The following KCNJ15 variants were observed in gnomAD, a reference collection of about 807,000 sequenced individuals.
The protein encoded by KCNJ15 is ATP-sensitive inward rectifier potassium channel 15.
In KCNJ15, 14 loss-of-function variants were observed where a neutral mutation model predicts 23.0. That is an observed-to-expected ratio of 0.61 (90% CI 0.40 to 0.95). KCNJ15 has a LOEUF of 0.95. KCNJ15 is among the 40% of genes least tolerant of loss of function. The pLI, the probability that KCNJ15 is intolerant of heterozygous loss-of-function variation, is 0.00. For missense variants in KCNJ15, 388 were observed against 461.8 expected (o/e 0.84, Z 1.46); for synonymous variants, 185 against 183.2 (o/e 1.01, Z -0.08).
upstream of KCNJ15, among the ~76,000 whole-genome samples, chr21:38,256,360 T>TTATATATA (rs56679003): frequency 0.023 from 2,488 of 106,168 alleles, 76 homozygotes; most frequent in South Asian, 0.039. Flanking sequence ...TCTATTCAGC[T>TTATATATA]TATATATATA....
rs561952349 is a variant in KCNJ15 at position 38,236,134 on chromosome 21, C to A, written c.-398-20912C>A. ...CAGGAGGCTCTGCATCCCAACCCCT[C>A]TGTTTTCTGTCTTACCTGCCAGGTC... On this transcript the variant is annotated intron_variant, in intron 1 of 4. Coordinates refer to the KCNJ15 transcript ENST00000547341. Among the ~76,000 whole-genome samples the A allele has an allele frequency of 4.6e-5, 7 of 152,338 alleles. No homozygotes were observed. In the South Asian group the frequency reaches 1.4e-3, roughly 32 times the overall value.
chr21:38,281,349 G>A (rs1329442582), intron 1 of KCNJ15, among the ~76,000 whole-genome samples: 1 of 152,088 alleles, frequency 6.6e-6, no homozygotes, highest in Non-Finnish European at 1.5e-5. Flanking sequence ...ATTGCATGAT[G>A]CCGAGGTTTG....
At chr21:38,251,248 C>G (rs560287682) in intron 1 of KCNJ15, among the ~76,000 whole-genome samples, 1 of 152,286 alleles carries the variant, frequency 6.6e-6, no homozygotes, top group South Asian at 2.1e-4. Context: ...GGAATTGCCA[C>G]AAAATAGTTC....
chr21:38,284,583 T>C (rs2836285), intron 1 of KCNJ15, among the ~76,000 whole-genome samples: 34,583 of 152,180 alleles, frequency 0.23, 4,184 homozygotes, highest in East Asian at 0.35. Context: ...TTCCAATACA[T>C]TCCCTATGCT....
At position 38,297,028 on chromosome 21, in the gene KCNJ15, T is replaced by C. The variant is rs1041919841; in HGVS notation, c.-19+5T>C. ...ACCTGCGGAGTGAGTGACCAGGTAG[T>C]AGACGGTTCTGAGGGCATCACACAC... On this transcript the variant is annotated splice_donor_5th_base_variant and intron_variant, in intron 2 of 2. Coordinates refer to ENST00000398938, the MANE Select transcript of KCNJ15 (RefSeq NM_170736.3). 2 of 152,584 alleles carry C rather than the reference T, an allele frequency of 1.3e-5. No homozygotes were observed. Among genetic ancestry groups the C allele is most frequent in the African/African-American group, 4.8e-5 (2 of 41,382 alleles). 9.5% of individuals were successfully genotyped at this position (152,584 alleles called of 1,614,324 possible). A position where few individuals can be genotyped will look rare whatever the true frequency, so the allele number is the denominator to read the frequency against.
intron 1 of KCNJ15, among the ~76,000 whole-genome samples, chr21:38,276,509 T>C (rs1037604472): frequency 2.0e-5 from 3 of 152,090 alleles, no homozygotes; most frequent in Non-Finnish European, 4.4e-5. Flanking sequence ...CTGGGTCCTG[T>C]ACTCATTAAC....
intron 1 of KCNJ15, among the ~76,000 whole-genome samples, chr21:38,283,025 C>A (rs888459282): frequency 2.6e-5 from 4 of 152,144 alleles, no homozygotes; most frequent in Non-Finnish European, 4.4e-5. Flanking sequence ...GGCAGGATAT[C>A]TGCTTTATCA....
In KCNJ15 at chr21:38,292,719, G is replaced by C. The variant is rs752412999; in HGVS notation, c.-116-4207G>C. Among the ~76,000 whole-genome samples, 6 of 152,018 alleles carry C rather than the reference G, an allele frequency of 3.9e-5. No homozygotes were observed. The South Asian group carries it at 6.2e-4, about 16-fold the overall frequency. ...TGCAGTGGCTCTCAACTGTAATCCCGGCACTTTGGGAGGCTGAGGTGAGCA... is the reference window on the plus strand; with the variant it reads ...TGCAGTGGCTCTCAACTGTAATCCCCGCACTTTGGGAGGCTGAGGTGAGCA... On this transcript the variant is annotated intron_variant, in intron 1 of 2. Coordinates refer to ENST00000398938, the MANE Select transcript of KCNJ15 (RefSeq NM_170736.3).
intron 1 of KCNJ15, among the ~76,000 whole-genome samples, chr21:38,280,197 T>A (rs950854844): frequency 4.0e-5 from 6 of 151,872 alleles, no homozygotes; most frequent in Admixed American, 6.6e-5. Context: ...TCACTTAGGA[T>A]GAACACCAGT....
At chr21:38,265,812 A>G (rs911104041) in intron 1 of KCNJ15, among the ~76,000 whole-genome samples, 6 of 152,220 alleles carry the variant, frequency 3.9e-5, no homozygotes, top group African/African-American at 1.2e-4. Flanking sequence ...TGACATTGAC[A>G]TGAGAGGCCC....
intron 1 of KCNJ15, among the ~76,000 whole-genome samples, chr21:38,257,747 C>T (rs924351231): frequency 2.6e-5 from 4 of 152,184 alleles, no homozygotes; most frequent in Non-Finnish European, 5.9e-5. Flanking sequence ...GTTCATGACC[C>T]ATGATTAATA....
chr21:38,283,723 C>T (rs1983593254), intron 1 of KCNJ15, among the ~76,000 whole-genome samples: 1 of 152,090 alleles, frequency 6.6e-6, no homozygotes, highest in Non-Finnish European at 1.5e-5. Flanking sequence ...ATTACTGCCT[C>T]CCTCAAAAAA....
intron 1 of KCNJ15, among the ~76,000 whole-genome samples, chr21:38,294,676 T>C (rs1187875606): frequency 3.3e-5 from 5 of 152,146 alleles, no homozygotes; most frequent in Non-Finnish European, 7.4e-5. Context: ...CATTTCCCAT[T>C]ATCCTTGCTG....
chr21:38,230,774 A>C (rs982807), intron 1 of KCNJ15, among the ~76,000 whole-genome samples: 9,656 of 152,098 alleles, frequency 0.063, 662 homozygotes, highest in African/African-American at 0.17. Context: ...ATTTTATTCT[A>C]TTGATCTATA....
At chr21:38,261,734 C>T (rs758103495) in intron 1 of KCNJ15, among the ~76,000 whole-genome samples, 12 of 152,058 alleles carry the variant, frequency 7.9e-5, no homozygotes, top group Non-Finnish European at 1.3e-4. Context: ...ATTAACTGTG[C>T]GCTTTTTCCA....
At chr21:38,231,469 A>G (rs1988741175) in intron 1 of KCNJ15, among the ~76,000 whole-genome samples, 1 of 151,926 alleles carries the variant, frequency 6.6e-6, no homozygotes, top group Non-Finnish European at 1.5e-5. Context: ...AGAACCTCCA[A>G]TATATTGTTA....
intron 1 of KCNJ15, chr21:38,237,134 G>T (rs1005867427): frequency 6.6e-6 from 1 of 152,224 alleles, no homozygotes; most frequent in African/African-American, 2.4e-5. Context: ...CTTCTAAAGA[G>T]ATTTCCCAGA....
At chr21:38,267,074 G>A (rs1981540803) in intron 1 of KCNJ15, among the ~76,000 whole-genome samples, 1 of 152,196 alleles carries the variant, frequency 6.6e-6, no homozygotes, top group Non-Finnish European at 1.5e-5. Context: ...CCAGCATGGT[G>A]GCTGTGGGAA....
chr21:38,293,395 A>G (rs1984822038), intron 1 of KCNJ15, among the ~76,000 whole-genome samples: 1 of 152,198 alleles, frequency 6.6e-6, no homozygotes. Context: ...AGTAGGAAAC[A>G]CACACCCCAC....
Sources: gnomAD v4.1 joint callset for allele counts (sites outside exome capture counted in the v4.1 genomes callset) on GRCh38, gnomAD v4.1.1 for gene constraint, MANE v1.5 for transcripts, NCBI Gene and HGNC (gene_info 2026-07-23, HGNC 2026-07-21) for gene names.